Variants in AGAP1 observed in about 807,000 individuals in gnomAD.
AGAP1 encodes the protein ArfGAP with GTPase domain, ankyrin repeat and PH domain 1.
In AGAP1, 29 loss-of-function variants were observed where a neutral mutation model predicts 105.3. The observed-to-expected ratio is 0.28, with a 90% CI of 0.21 to 0.38. The LOEUF is 0.38. Ranked by LOEUF, AGAP1 falls within the 10% of genes least tolerant of loss-of-function variation. The pLI is 1.00. For missense variants in AGAP1, 998 were observed against 1,165.1 expected (o/e 0.86, Z 2.09); for synonymous variants, 509 against 485.9 (o/e 1.05, Z -0.63).
At chr2:235,543,286 AGCATC>A in intron 1 of AGAP1, among the ~76,000 whole-genome samples, 1 of 152,218 alleles carries the variant, frequency 6.6e-6, no homozygotes, top group South Asian at 2.1e-4. Flanking sequence ...TGAGCCAGGC[AGCATC>A]AGTGAGAAAT....
chr2:235,651,604 C>T (rs1485046851), intron 1 of AGAP1, among the ~76,000 whole-genome samples: 3 of 152,156 alleles, frequency 2.0e-5, no homozygotes, highest in South Asian at 2.1e-4. Flanking sequence ...ATTCAGCCCT[C>T]TAGTCATGTT....
intron 9 of AGAP1, 143 bp downstream of exon 9, chr2:235,807,474 C>G (rs566884840): frequency 1.5e-6 from 1 of 654,218 alleles, no homozygotes; most frequent in African/African-American, 1.9e-5. Flanking sequence ...CATCAATTAG[C>G]AGAGTTCCTG....
chr2:235,510,111 C>G (rs1310745460), intron 1 of AGAP1, among the ~76,000 whole-genome samples: 1 of 152,166 alleles, frequency 6.6e-6, no homozygotes, highest in Admixed American at 6.5e-5. Context: ...CCCACTGATT[C>G]TACGTTATGG....
intron 1 of AGAP1, among the ~76,000 whole-genome samples, chr2:235,650,487 T>C (rs1393792917): frequency 3.3e-5 from 5 of 152,202 alleles, no homozygotes; most frequent in African/African-American, 1.2e-4. Context: ...ATCCATCCAT[T>C]ATATGTTAGT....
At chr2:235,554,857 A>T (rs1196382939) in intron 1 of AGAP1, among the ~76,000 whole-genome samples, 1 of 152,070 alleles carries the variant, frequency 6.6e-6, no homozygotes, top group East Asian at 1.9e-4. Context: ...TTTAGTGGAG[A>T]CAAGGTTTCA....
rs1195851410 is a variant in AGAP1, at chr2:235,552,657, G to A, written c.163+57808G>A. The stretch of plus-strand genomic sequence containing the variant: ...CACACCTGGCAGAGGTTTGGAGCTG[G>A]GTTGTGGGTGAGGGATGCAGAGAGG... On this transcript the variant is annotated intron_variant, in intron 1 of 17. Coordinates refer to ENST00000304032, the MANE Select transcript of AGAP1 (RefSeq NM_001037131.3). This position sits in a 1 kb window ranked among gnomAD's most constrained non-coding sequence, Gnocchi z 5.9. Among the ~76,000 whole-genome samples the A allele has an allele frequency of 1.3e-5, 2 of 152,208 alleles. No individual in the cohort carries two copies. Among genetic ancestry groups the A allele is most frequent in the African/African-American group, 4.8e-5 (2 of 41,456 alleles).
chr2:235,979,665 G>A lies in AGAP1; in HGVS notation c.1645+11042G>A, dbSNP rs2055007971. On this transcript the variant is annotated intron_variant, in intron 13 of 17. Coordinates refer to ENST00000304032, the MANE Select transcript of AGAP1 (RefSeq NM_001037131.3). This position sits in a 1 kb window ranked among gnomAD's most constrained non-coding sequence, Gnocchi z 4.5. ...AACTTCACAAGGGCCTCTTGTGCACGTGGGACATGGAGAAAATTGGCCATT... is the reference window on the plus strand; with the variant it reads ...AACTTCACAAGGGCCTCTTGTGCACATGGGACATGGAGAAAATTGGCCATT... 1.3e-5 allele frequency among the ~76,000 whole-genome samples: 2 copies of A among 152,278 alleles called. No individual in the cohort carries two copies. The highest frequency in any genetic ancestry group is 6.5e-5 in the Admixed American group (1 of 15,296).
chr2:235,986,917 A>C (rs561184320), intron 13 of AGAP1, among the ~76,000 whole-genome samples: 5 of 152,004 alleles, frequency 3.3e-5, no homozygotes, highest in African/African-American at 9.7e-5. Context: ...CATCAGGGAT[A>C]TTTGCCTGAA....
In AGAP1 at chr2:235,744,858, C is replaced by T. The variant is rs1451037906; in HGVS notation, c.538+19C>T. 2.5e-6 allele frequency: 4 copies of T among 1,613,448 alleles called. No individual in the cohort carries two copies. Among genetic ancestry groups the T allele is most frequent in the Non-Finnish European group, 1.7e-6 (2 of 1,179,764 alleles). ...ACCCAGGGTGAGTGATGTTCGTGTG[C>T]AGATTGTTTTGAAAGGGTTCTAACA... On this transcript the variant is annotated intron_variant, in intron 5 of 17. Transcript: ENST00000304032. This position sits in a 1 kb window ranked among gnomAD's most constrained non-coding sequence, Gnocchi z 5.2.
At chr2:235,524,007 C>G (rs1298996469) in intron 1 of AGAP1, among the ~76,000 whole-genome samples, 1 of 152,196 alleles carries the variant, frequency 6.6e-6, no homozygotes, top group Admixed American at 6.5e-5. Context: ...GTGACCTGGC[C>G]AGGGTGTGGG....
intron 1 of AGAP1, among the ~76,000 whole-genome samples, chr2:235,595,949 A>G (rs963412794): frequency 1.3e-5 from 2 of 152,242 alleles, no homozygotes; most frequent in Non-Finnish European, 2.9e-5. Flanking sequence ...TCGTCTCAGA[A>G]TGAAGCAGTA....
intron 1 of AGAP1, among the ~76,000 whole-genome samples, chr2:235,646,857 CGCGTGCG>C (rs1947403774): frequency 6.6e-6 from 1 of 152,134 alleles, no homozygotes. Context: ...AGAGTCTTGC[CGCGTGCG>C]GTGGCTCACG....
At chr2:235,871,511 C>T (rs1325531533) in intron 9 of AGAP1, among the ~76,000 whole-genome samples, 1 of 152,232 alleles carries the variant, frequency 6.6e-6, no homozygotes, top group African/African-American at 2.4e-5. Flanking sequence ...TCCTCACTGT[C>T]CTCACAACTT....
At chr2:235,745,338 A>G (rs13400304) in intron 5 of AGAP1, among the ~76,000 whole-genome samples, 3,298 of 152,252 alleles carry the variant, frequency 0.022, 105 homozygotes, top group African/African-American at 0.068. Context: ...TTTTAATCTG[A>G]CAGGCCCCTC....
rs938399164 is a variant in AGAP1 at position 236,123,366 on chromosome 2, A to G, written c.2371-553A>G. Among the ~76,000 whole-genome samples, 2 of 152,210 alleles carry G rather than the reference A, an allele frequency of 1.3e-5. No individual in the cohort carries two copies. The highest frequency in any genetic ancestry group is 2.9e-5 in the Non-Finnish European group (2 of 68,040). The stretch of plus-strand genomic sequence containing the variant: ...TTGTGCTTCTGAGTAATTTTTAATG[A>G]TGTAAGAAAATGATCACAGTATAGT... On this transcript the variant is annotated intron_variant, in intron 17 of 17. Transcript: ENST00000304032. The surrounding 1 kb of genome is among the most constrained non-coding windows in gnomAD (Gnocchi z 4.6).
chr2:235,544,802 T>C (rs988445235), intron 1 of AGAP1, among the ~76,000 whole-genome samples: 2 of 152,194 alleles, frequency 1.3e-5, no homozygotes, highest in African/African-American at 4.8e-5. Context: ...CCTACTGGAA[T>C]GTTGACTTGA....
At chr2:235,738,822 T>C (rs573400297) in intron 3 of AGAP1, among the ~76,000 whole-genome samples, 4 of 152,270 alleles carry the variant, frequency 2.6e-5, no homozygotes, top group Non-Finnish European at 5.9e-5. Flanking sequence ...CCTCCCAAAG[T>C]GTTGGGATTA....
rs190199123 is a variant in AGAP1, at chr2:235,609,147, T to C, written c.164-100032T>C. Among the ~76,000 whole-genome samples, 6 of 152,270 alleles carry C rather than the reference T, an allele frequency of 3.9e-5. No homozygotes were observed. The highest frequency in any genetic ancestry group is 3.9e-4 in the Admixed American group (6 of 15,294). On this transcript the variant is annotated intron_variant, in intron 1 of 17. Transcript: ENST00000304032. This position sits in a 1 kb window ranked among gnomAD's most constrained non-coding sequence, Gnocchi z 5.1. Reference sequence around the variant, plus strand: ...CCTTCTTGCCTTATTTTTGGCAGTTTTCTTTCTTGATGGTGGGGAGGGTTT... The same window carrying C: ...CCTTCTTGCCTTATTTTTGGCAGTTCTCTTTCTTGATGGTGGGGAGGGTTT...
chr2:235,850,945 G>T (rs1045563076), intron 9 of AGAP1, among the ~76,000 whole-genome samples: 2 of 152,208 alleles, frequency 1.3e-5, no homozygotes, highest in Non-Finnish European at 2.9e-5. Context: ...TTTAGCAAGG[G>T]AATGGCTGTT....
Sources: gnomAD v4.1 joint callset for allele counts (sites outside exome capture counted in the v4.1 genomes callset) on GRCh38, gnomAD v4.1.1 for gene constraint, Gnocchi (gnomAD v3.1) non-coding constraint, MANE v1.5 for transcripts, NCBI Gene and HGNC (gene_info 2026-07-23, HGNC 2026-07-21) for gene names.